Variants in FGD1 observed in about 807,000 individuals in gnomAD.
The protein encoded by FGD1 is FYVE, RhoGEF and PH domain containing 1.
FGD1 carries 12 observed loss-of-function variants against 65.0 expected under a neutral mutation model. The observed-to-expected ratio is 0.18, with a 90% CI of 0.12 to 0.30. FGD1 has a LOEUF of 0.30. FGD1 is among the 10% of genes least tolerant of loss of function. The probability of loss-of-function intolerance (pLI) is 1.00; values close to 1 mark genes in which losing one functional copy is unlikely to be tolerated. For missense variants in FGD1, 542 were observed against 837.6 expected (o/e 0.65, Z 4.36); for synonymous variants, 333 against 343.9 (o/e 0.97, Z 0.35).
At chrX:54,488,356 C>T (rs934651383) in intron 1 of FGD1, among the ~76,000 whole-genome samples, 6 of 97,988 alleles carry the variant, frequency 6.1e-5, no homozygotes, top group South Asian at 4.7e-4. Context: ...GAGGCCGAGG[C>T]GGGTGGATCA....
At chrX:54,484,453 GC>G (rs997506350) in intron 1 of FGD1, among the ~76,000 whole-genome samples, 1 of 111,402 alleles carries the variant, frequency 9.0e-6, no homozygotes, top group Non-Finnish European at 1.9e-5. Flanking sequence ...ATAAAGAAAT[GC>G]CCCCCTTGCT....
At chrX:54,448,237 G>A (rs1232519641) in intron 16 of FGD1, among the ~76,000 whole-genome samples, 1 of 107,869 alleles carries the variant, frequency 9.3e-6, no homozygotes, top group Admixed American at 1.0e-4. Context: ...CCAGGCTGGA[G>A]TACAATGGCG....
intron 1 of FGD1, among the ~76,000 whole-genome samples, chrX:54,478,641 A>G (rs1383925752): frequency 9.0e-6 from 1 of 111,020 alleles, no homozygotes; most frequent in Non-Finnish European, 1.9e-5. Context: ...AAGAAGGACA[A>G]TAATAGCAGT....
chrX:54,451,144 T>C (rs767894145), intron 12 of FGD1, among the ~76,000 whole-genome samples: 4 of 110,997 alleles, frequency 3.6e-5, no homozygotes, highest in Non-Finnish European at 5.7e-5. Flanking sequence ...ATTATCACTC[T>C]CTGGGTTCTC....
rs753233118 is a variant in FGD1 at position 54,482,498 on chromosome X, G to A, written c.308-11011C>T. On this transcript the variant is annotated intron_variant, in intron 1 of 17. Transcript: ENST00000375135. ...ACTGCAGCTGGGAGCACTGGGAGCA[G>A]TAATTACCAGATGCTGGGGCTGCCA... 2.7e-5 allele frequency among the ~76,000 whole-genome samples: 3 copies of A among 112,106 alleles called. No individual in the cohort carries two copies. In the East Asian group the frequency reaches 8.5e-4, roughly 32 times the overall value.
chrX:54,454,476 CCT>C (rs1922449204), intron 12 of FGD1, among the ~76,000 whole-genome samples: 2 of 109,901 alleles, frequency 1.8e-5, no homozygotes, highest in African/African-American at 3.3e-5. Flanking sequence ...ATAGTGAAAC[CCT>C]GTCTCTACTA....
At chrX:54,489,819 A>G (rs1923376106) in intron 1 of FGD1, among the ~76,000 whole-genome samples, 7 of 112,003 alleles carry the variant, frequency 6.2e-5, no homozygotes, top group Admixed American at 2.9e-4. Context: ...CAACTCAGTA[A>G]TCTCATTATT....
chrX:54,458,140 C>T (rs1457167201), intron 8 of FGD1, among the ~76,000 whole-genome samples: 2 of 112,586 alleles, frequency 1.8e-5, no homozygotes, highest in African/African-American at 6.4e-5. Context: ...TTATTCCATC[C>T]TAGCTGCCAG....
intron 6 of FGD1, among the ~76,000 whole-genome samples, chrX:54,467,405 G>A (rs1922789426): frequency 9.3e-6 from 1 of 107,047 alleles, no homozygotes; most frequent in African/African-American, 3.4e-5. Flanking sequence ...ACCTGGGCTG[G>A]AGTGCAATGG....
chrX:54,469,466 A>G (rs953154004), intron 4 of FGD1, among the ~76,000 whole-genome samples: 2 of 112,449 alleles, frequency 1.8e-5, no homozygotes, highest in African/African-American at 6.5e-5. Context: ...CACTATCAGC[A>G]AGGGCTTGCT....
At chrX:54,474,982 G>A (rs970114392) in intron 1 of FGD1, among the ~76,000 whole-genome samples, 1 of 112,300 alleles carries the variant, frequency 8.9e-6, no homozygotes, top group African/African-American at 3.2e-5. Flanking sequence ...CAAAGCAGCA[G>A]GGTCCCTGGA....
intron 8 of FGD1, among the ~76,000 whole-genome samples, chrX:54,462,763 TTC>T (rs1463684006): frequency 4.5e-5 from 4 of 89,029 alleles, no homozygotes; most frequent in Non-Finnish European, 8.9e-5. Context: ...GGGCTGCTCC[TTC>T]TTTTTTTTTT....
intron 1 of FGD1, among the ~76,000 whole-genome samples, chrX:54,478,093 G>A (rs1923060069): frequency 9.0e-6 from 1 of 111,299 alleles, no homozygotes; most frequent in South Asian, 3.7e-4. Flanking sequence ...ACCCCAGCCT[G>A]GGCGACAGAG....
rs1329214090 is a variant in FGD1, at chrX:54,455,713, G to C, written c.1914C>G (p.Arg638=). 2 of 1,193,149 alleles carry C rather than the reference G, an allele frequency of 1.7e-6. No individual in the cohort carries two copies. Among genetic ancestry groups the C allele is most frequent in the South Asian group, 3.7e-5 (2 of 54,586 alleles). ...LLGQKFSVRA[R]IDVDGMELKE... is the part of the protein sequence containing the mutation. ...TTACCTCCATGCCATCTACATCAAT[G>C]CGTGCCCGCACGCTAAACTTCTGGC... The change falls in exon 11 of 18, where the codon CGC becomes CGG. Residue 638 remains arginine, a synonymous_variant. Coordinates refer to ENST00000375135, the MANE Select transcript of FGD1 (RefSeq NM_004463.3).
intron 12 of FGD1, among the ~76,000 whole-genome samples, chrX:54,451,666 GCCGAGGCGGCT>G (rs1351267601): frequency 9.3e-6 from 1 of 107,230 alleles, no homozygotes; most frequent in African/African-American, 3.4e-5. Flanking sequence ...ACTTTGGGAG[GCCGAGGCGGCT>G]GGATCACCTG....
intron 1 of FGD1, among the ~76,000 whole-genome samples, chrX:54,490,022 G>A (rs751743363): frequency 1.8e-5 from 2 of 112,225 alleles, no homozygotes; most frequent in Non-Finnish European, 3.8e-5. Context: ...ATGAGATCAC[G>A]TCCTTTGCAG....
In FGD1 at chrX:54,467,876, G is replaced by A. The variant is rs772376668; in HGVS notation, c.1248C>T (p.Asp416=). 17 of 1,173,009 alleles carry A rather than the reference G, an allele frequency of 1.4e-5. No individual in the cohort carries two copies. The highest frequency in any genetic ancestry group is 3.6e-5 in the African/African-American group (2 of 56,200). ...TGTTAGAGAAGATGCCGTGGACAAC[G>A]TCGGCCGGGAAGGAACTGCGGTTCC... ...EARNRSSFPA[D]VVHGIFSNIC... Residue 416 remains aspartate (D), a synonymous_variant, in exon 6 of 18, where the codon GAC becomes GAT. Coordinates refer to ENST00000375135, the MANE Select transcript of FGD1 (RefSeq NM_004463.3).
Position 54,457,644 on chromosome X carries a change from G to C in FGD1, c.1637-1077C>G, listed in dbSNP as rs778029436. On this transcript the variant is annotated intron_variant, in intron 8 of 17. Coordinates refer to ENST00000375135, the MANE Select transcript of FGD1 (RefSeq NM_004463.3). Reference sequence around the variant, plus strand: ...AAAAGGATACAAACATGTTTATATAGAATGATCTTACTTTTACAAGTATAC... The same window carrying C: ...AAAAGGATACAAACATGTTTATATACAATGATCTTACTTTTACAAGTATAC... Among the ~76,000 whole-genome samples the C allele has an allele frequency of 1.3e-4, 14 of 111,497 alleles. No homozygotes were observed. The East Asian group carries it at 3.9e-3, about 31-fold the overall frequency.
chrX:54,488,971 T>G (rs1481466436), intron 1 of FGD1, among the ~76,000 whole-genome samples: 1 of 112,063 alleles, frequency 8.9e-6, no homozygotes, highest in Non-Finnish European at 1.9e-5. Context: ...GGAAATACCA[T>G]TTTGGACATA....
Sources: allele counts gnomAD v4.1 joint callset (sites outside exome capture counted in the v4.1 genomes callset), GRCh38; gene constraint gnomAD v4.1.1; transcripts MANE v1.5; gene names NCBI Gene and HGNC (gene_info 2026-07-23, HGNC 2026-07-21).